The following SESN3 variants were observed in gnomAD, a reference collection of about 807,000 sequenced individuals.
SESN3 encodes the protein sestrin-3.
Under a neutral mutation model 55.3 loss-of-function variants are expected in SESN3, and 21 were observed. The ratio of observed to expected loss-of-function variants is 0.38; its 90% CI spans 0.27 to 0.55. The LOEUF is 0.55. Ranked by LOEUF, SESN3 falls within the 20% of genes least tolerant of loss-of-function variation. The pLI, the probability that SESN3 is intolerant of heterozygous loss-of-function variation, is 0.76. For synonymous variants in SESN3, 181 were observed against 203.1 expected, an observed-to-expected ratio of 0.89 and a Z score of 0.93; for missense variants, 408 against 604.3, an observed-to-expected ratio of 0.68 and a Z score of 3.41.
chr11:95,195,662 A>G (rs998993672), intron 1 of SESN3, among the ~76,000 whole-genome samples: 2 of 152,190 alleles, frequency 1.3e-5, no homozygotes, highest in Admixed American at 6.6e-5. Context: ...TTTCACTATT[A>G]TAAGTAATCC....
Position 95,231,087 on chromosome 11 carries a change from C to G in SESN3, c.-227G>C. Reference sequence around the variant, plus strand: ...ACGGCGGAGACGGCGGCGGCTGCTCCTCACCGGCCCGTTGTTCCACCCGCC... The same window carrying G: ...ACGGCGGAGACGGCGGCGGCTGCTCGTCACCGGCCCGTTGTTCCACCCGCC... On this transcript the variant is annotated 5_prime_UTR_variant, in exon 1 of 10. Transcript: ENST00000536441. The G allele has an allele frequency of 2.4e-6, 1 of 417,062 alleles. No homozygotes were observed. The highest frequency in any genetic ancestry group is 4.2e-6 in the Non-Finnish European group (1 of 237,678). 25.8% of individuals were successfully genotyped at this position (417,062 alleles called of 1,614,324 possible).
chr11:95,223,148 A>G (rs1043849120), intron 1 of SESN3, among the ~76,000 whole-genome samples: 10 of 152,036 alleles, frequency 6.6e-5, no homozygotes, highest in African/African-American at 2.4e-4. Flanking sequence ...ATAGTGTACC[A>G]CAATCCCCCC....
At chr11:95,185,791 A>G (rs901013109) in intron 4 of SESN3, among the ~76,000 whole-genome samples, 2 of 152,010 alleles carry the variant, frequency 1.3e-5, no homozygotes, top group Non-Finnish European at 2.9e-5. Flanking sequence ...TTAGAGAATC[A>G]AAGAACACTG....
At chr11:95,229,766 AG>A (rs1474638946) in intron 1 of SESN3, among the ~76,000 whole-genome samples, 1 of 152,218 alleles carries the variant, frequency 6.6e-6, no homozygotes, top group Non-Finnish European at 1.5e-5. Flanking sequence ...CTCCGCTTTC[AG>A]TCCCGATGCA....
At chr11:95,203,770 T>C (rs1458954577) in intron 1 of SESN3, 1 of 152,242 alleles carries the variant, frequency 6.6e-6, no homozygotes, top group Non-Finnish European at 1.5e-5. Context: ...TCAGGACCTC[T>C]TTATAGTCTT....
At chr11:95,189,748 T>C in intron 4 of SESN3, 31 bp downstream of exon 4, 1 of 1,533,980 alleles carries the variant, frequency 6.5e-7, no homozygotes, top group Non-Finnish European at 8.8e-7. Flanking sequence ...CCTAAGCAAA[T>C]TCCTTTTTAT....
chr11:95,217,454 C>T (rs975632854), intron 1 of SESN3, among the ~76,000 whole-genome samples: 2 of 152,012 alleles, frequency 1.3e-5, no homozygotes, highest in African/African-American at 4.8e-5. Context: ...AGTTCAAGAC[C>T]AGCCTCGCCA....
chr11:95,228,572 G>A (rs1860991365), intron 1 of SESN3, among the ~76,000 whole-genome samples: 1 of 152,094 alleles, frequency 6.6e-6, no homozygotes, highest in Non-Finnish European at 1.5e-5. Flanking sequence ...ACTTTTCATT[G>A]TTATTTTAAG....
rs563322416 is a variant in SESN3 at position 95,167,475 on chromosome 11, C to CCATATATATATATATATATATAT, written c.*5779_*5780insATATATATATATATATATATATG. Reference sequence around the variant, plus strand: ...TCAGATATTCATTCTGTTTCCCCCCCATATATATAATTTTTCATTCTGTAC... The same window carrying CCATATATATATATATATATATAT: ...TCAGATATTCATTCTGTTTCCCCCCCCATATATATATATATATATATATATATATATAATTTTTCATTCTGTAC... On this transcript the variant is annotated 3_prime_UTR_variant, in exon 10 of 10. Transcript: ENST00000536441. 5 of 150,944 alleles carry CCATATATATATATATATATATAT rather than the reference C, an allele frequency of 3.3e-5. 1 individual carries two copies. The highest frequency in any genetic ancestry group is 1.2e-4 in the African/African-American group (5 of 40,346). The allele number at this position is 150,944 out of a possible 1,614,324, so 9.4% of individuals were successfully genotyped here.
intron 1 of SESN3, among the ~76,000 whole-genome samples, chr11:95,203,433 T>C (rs1860494001): frequency 6.6e-6 from 1 of 152,154 alleles, no homozygotes; most frequent in Non-Finnish European, 1.5e-5. Context: ...GGATCACAAC[T>C]GTGTAAATTC....
chr11:95,229,747 C>T (rs1861016317), intron 1 of SESN3, among the ~76,000 whole-genome samples: 1 of 152,082 alleles, frequency 6.6e-6, no homozygotes, highest in Admixed American at 6.5e-5. Flanking sequence ...AAAACGGTAC[C>T]ATATTCATCT....
At chr11:95,183,495 A>C (rs1488272860) in intron 6 of SESN3, among the ~76,000 whole-genome samples, 1 of 152,074 alleles carries the variant, frequency 6.6e-6, no homozygotes, top group African/African-American at 2.4e-5. Flanking sequence ...GTTTTAAGAC[A>C]GGCAGTAGTT....
chr11:95,174,683 C>T (rs899957211), intron 9 of SESN3, among the ~76,000 whole-genome samples: 1 of 152,190 alleles, frequency 6.6e-6, no homozygotes, highest in Middle Eastern at 3.4e-3. Flanking sequence ...TGGGGTTTCA[C>T]TACATGTTGG....
intron 1 of SESN3, among the ~76,000 whole-genome samples, chr11:95,221,100 C>T (rs540361676): frequency 1.8e-4 from 28 of 152,104 alleles, no homozygotes; most frequent in African/African-American, 6.7e-4. Flanking sequence ...GTCAGGAGTT[C>T]GAAGCCAGCG....
In SESN3 at chr11:95,184,402, A is replaced by G. The variant is rs767542600; in HGVS notation, c.937+18T>C. The G allele has an allele frequency of 7.4e-5, 119 of 1,612,650 alleles. No homozygotes were observed. The highest frequency in any genetic ancestry group is 9.9e-5 in the Non-Finnish European group (117 of 1,179,432). On this transcript the variant is annotated intron_variant, in intron 6 of 9. Transcript: ENST00000536441. ...GGTTCTAAGAACAACTAAAAGGCAA[A>G]AAAGTGCAAAAAAGCACCTGAATGA...
intron 1 of SESN3, among the ~76,000 whole-genome samples, chr11:95,212,180 C>T (rs1209878387): frequency 2.0e-5 from 3 of 152,200 alleles, no homozygotes; most frequent in African/African-American, 7.2e-5. Context: ...TATTTAACTA[C>T]CCTTCTTTTC....
At chr11:95,229,532 A>T (rs542855870) in intron 1 of SESN3, among the ~76,000 whole-genome samples, 2 of 152,304 alleles carry the variant, frequency 1.3e-5, no homozygotes, top group East Asian at 3.9e-4. Flanking sequence ...AAAAAAAAGC[A>T]GCAGCCCTAC....
chr11:95,173,494 A>G (rs1337655968), intron 9 of SESN3, among the ~76,000 whole-genome samples, 153 bp from the exon 10 acceptor site: 2 of 152,116 alleles, frequency 1.3e-5, no homozygotes, highest in Middle Eastern at 3.2e-3. Flanking sequence ...GCAACACTCA[A>G]ACCTGTGTCT....
chr11:95,183,780 T>C (rs142504936), intron 6 of SESN3, among the ~76,000 whole-genome samples: 1 of 152,236 alleles, frequency 6.6e-6, no homozygotes, highest in African/African-American at 2.4e-5. Context: ...TACTATGTGG[T>C]GTTCAATATC....
Sources: allele counts gnomAD v4.1 joint callset (sites outside exome capture counted in the v4.1 genomes callset), GRCh38; gene constraint gnomAD v4.1.1; transcripts MANE v1.5; gene names NCBI Gene and HGNC (gene_info 2026-07-23, HGNC 2026-07-21).